The following DNAAF9 variants were observed in gnomAD, a reference collection of about 807,000 sequenced individuals.
The protein encoded by DNAAF9 is shulin.
DNAAF9 carries 90 observed loss-of-function variants against 167.0 expected under a neutral mutation model. The observed-to-expected ratio is 0.54, with a 90% CI of 0.45 to 0.64. The LOEUF is 0.64. Ranked by LOEUF, DNAAF9 falls within the 30% of genes least tolerant of loss-of-function variation. The pLI is 0.00. For missense variants in DNAAF9, 1,315 were observed against 1,442.2 expected, an observed-to-expected ratio of 0.91 and a Z score of 1.43; for synonymous variants, 491 against 508.8, an observed-to-expected ratio of 0.96 and a Z score of 0.47.
chr20:3,301,649 T>C (rs935631818), intron 21 of DNAAF9, among the ~76,000 whole-genome samples: 2 of 152,220 alleles, frequency 1.3e-5, no homozygotes, highest in African/African-American at 4.8e-5. Context: ...TTCCTCAGGA[T>C]TTATTCCTTA....
chr20:3,285,205 G>T (rs1486338335), intron 27 of DNAAF9, among the ~76,000 whole-genome samples: 1 of 152,210 alleles, frequency 6.6e-6, no homozygotes, highest in Admixed American at 6.5e-5. Flanking sequence ...AGGGGCTAAA[G>T]AAATCTCTGT....
intron 3 of DNAAF9, among the ~76,000 whole-genome samples, chr20:3,379,372 G>A (rs1241044404): frequency 2.0e-5 from 3 of 148,218 alleles, no homozygotes; most frequent in Non-Finnish European, 4.6e-5. Flanking sequence ...AACACTGTGA[G>A]GCCAAGGCAA....
chr20:3,308,259 A>G (rs888188484), intron 20 of DNAAF9, among the ~76,000 whole-genome samples: 2 of 151,388 alleles, frequency 1.3e-5, no homozygotes, highest in Non-Finnish European at 2.9e-5. Flanking sequence ...TTCTCCTGAC[A>G]TTCTGTTCCT....
chr20:3,406,362 A>G (rs1024499632), intron 1 of DNAAF9, among the ~76,000 whole-genome samples: 2 of 152,204 alleles, frequency 1.3e-5, no homozygotes, highest in African/African-American at 2.4e-5. Flanking sequence ...AGGGAACAAT[A>G]TATTTGCTTT....
chr20:3,338,259 G>A (rs59469935), intron 10 of DNAAF9, among the ~76,000 whole-genome samples: 4,506 of 152,064 alleles, frequency 0.03, 95 homozygotes, highest in African/African-American at 0.055. Flanking sequence ...TTTGGTTGGT[G>A]TGCTTTTTCA....
chr20:3,362,219 C>A, intron 6 of DNAAF9: 2 of 1,431,498 alleles, frequency 1.4e-6, no homozygotes, highest in East Asian at 2.3e-5. Context: ...TCTTCTAGAC[C>A]CCAGCTAACT....
chr20:3,296,040 C>G (rs1167108012), intron 23 of DNAAF9: 20 of 978,772 alleles, frequency 2.0e-5, no homozygotes, highest in Non-Finnish European at 2.8e-5. Flanking sequence ...AATTTTCCAC[C>G]CTGGTAGTAA....
intron 23 of DNAAF9, chr20:3,296,445 A>G (rs1249023148): frequency 3.3e-6 from 1 of 300,028 alleles, no homozygotes; most frequent in East Asian, 8.2e-5. Flanking sequence ...TGGCATGGTC[A>G]CGGCTCACTG....
chr20:3,375,106 T>G lies in DNAAF9; in HGVS notation c.429A>C (p.Ala143=). 1 of 1,608,754 alleles carries G rather than the reference T, an allele frequency of 6.2e-7. No homozygotes were observed. The highest frequency in any genetic ancestry group is 8.5e-7 in the Non-Finnish European group (1 of 1,175,158). ...TENEYEDEEA[A]EEFKITSFVD... ...CAAAGCTGGTAATTTTAAATTCTTC[T>G]GCGGCTTCTTCATCTTCATACTGAA... The change falls in exon 5 of 37, where the codon GCA becomes GCC. Residue 143 remains alanine (A), a synonymous_variant. Transcript: ENST00000252032.
Position 3,286,140 on chromosome 20 carries a change from C to CA in DNAAF9, c.2486+1491dup, listed in dbSNP as rs1346650475. ...GGACATGCTATAAAGGAGGGTGCTA[C>CA]ATGGGCCCAGCTGGTAAGAACAGCG... On this transcript the variant is annotated intron_variant, in intron 27 of 36. Transcript: ENST00000252032. Among the ~76,000 whole-genome samples the CA allele has an allele frequency of 2.6e-5, 4 of 152,158 alleles. No homozygotes were observed. In the East Asian group the frequency reaches 7.7e-4, roughly 29 times the overall value.
chr20:3,403,264 A>G (rs1480519549), intron 1 of DNAAF9, among the ~76,000 whole-genome samples: 1 of 152,120 alleles, frequency 6.6e-6, no homozygotes. Flanking sequence ...TTACAACTAC[A>G]AACATCAAAT....
At chr20:3,347,319 G>A (rs77940402) in intron 8 of DNAAF9, among the ~76,000 whole-genome samples, 6,857 of 151,982 alleles carry the variant, frequency 0.045, 233 homozygotes, top group African/African-American at 0.095. Context: ...AAATGAAGGC[G>A]AAATAAAGAT....
chr20:3,285,205 G>A (rs1486338335), intron 27 of DNAAF9, among the ~76,000 whole-genome samples: 1 of 152,210 alleles, frequency 6.6e-6, no homozygotes, highest in African/African-American at 2.4e-5. Flanking sequence ...AGGGGCTAAA[G>A]AAATCTCTGT....
At chr20:3,307,171 C>T (rs143042232) in intron 20 of DNAAF9, 11,447 of 983,792 alleles carry the variant, frequency 0.012, 76 homozygotes, top group Middle Eastern at 0.018. Context: ...CATTTCCTCT[C>T]CCACTAGACT....
At position 3,249,880 on chromosome 20, in the gene DNAAF9, C is replaced by A. The variant is rs1456401632; in HGVS notation, c.*2692G>T. The A allele has an allele frequency of 2.0e-5, 3 of 152,058 alleles. No homozygotes were observed. Among genetic ancestry groups the A allele is most frequent in the Non-Finnish European group, 4.4e-5 (3 of 68,030 alleles). The allele number at this position is 152,058 out of a possible 1,614,324, so 9.4% of individuals were successfully genotyped here. A position where few individuals can be genotyped will look rare whatever the true frequency, so the allele number is the denominator to read the frequency against. On this transcript the variant is annotated 3_prime_UTR_variant, in exon 37 of 37. Coordinates refer to ENST00000252032, the MANE Select transcript of DNAAF9 (RefSeq NM_001009984.3). ...TCCAGGCTTCAGGTCAGATAGCCCC[C>A]AGGGCTCAGAGGGGCCGGCTCAACT...
intron 26 of DNAAF9, among the ~76,000 whole-genome samples, chr20:3,288,319 G>A (rs2068887578): frequency 6.6e-6 from 1 of 152,154 alleles, no homozygotes; most frequent in South Asian, 2.1e-4. Flanking sequence ...GCTTGGTGGC[G>A]CATGCCTGTA....
intron 20 of DNAAF9, among the ~76,000 whole-genome samples, chr20:3,306,086 C>T (rs550143412): frequency 2.6e-5 from 4 of 152,292 alleles, no homozygotes; most frequent in African/African-American, 9.6e-5. Context: ...GCCCTCCTGA[C>T]CATGCCATAT....
chr20:3,268,694 T>C (rs1269155383), intron 30 of DNAAF9, among the ~76,000 whole-genome samples: 1 of 152,126 alleles, frequency 6.6e-6, no homozygotes, highest in Non-Finnish European at 1.5e-5. Context: ...TTTGAATACA[T>C]AAAATATCTA....
At position 3,304,493 on chromosome 20, in the gene DNAAF9, T is replaced by C. The variant is rs2422864; in HGVS notation, c.1729A>G (p.Arg577Gly). ...TGATCCTTGGAAATGATGATACTTCTATGACGACAGTGAGAAAACAGAAGG... is the reference window on the plus strand; with the variant it reads ...TGATCCTTGGAAATGATGATACTTCCATGACGACAGTGAGAAAACAGAAGG... ...SGLLFSHCRHRSIIISKDHMN... is the reference protein window; with the variant it reads ...SGLLFSHCRHGSIIISKDHMN... Residue 577 changes from arginine (R) to glycine (G), a missense_variant, in exon 21 of 37, where the codon AGA (arginine) becomes GGA (glycine). By Grantham distance (125) the Arg-to-Gly change is moderately radical (BLOSUM62 -2). Coordinates refer to ENST00000252032, the MANE Select transcript of DNAAF9 (RefSeq NM_001009984.3). 0.87 allele frequency: 1,314,855 copies of C among 1,518,006 alleles called. 571,243 individuals are homozygous for C. The highest frequency in any genetic ancestry group is 1 in the East Asian group (44,339 of 44,354). 94.0% of individuals were successfully genotyped at this position (1,518,006 alleles called of 1,614,324 possible).
Sources: allele counts gnomAD v4.1 joint callset (sites outside exome capture counted in the v4.1 genomes callset), GRCh38; gene constraint gnomAD v4.1.1; transcripts MANE v1.5; gene names NCBI Gene and HGNC (gene_info 2026-07-23, HGNC 2026-07-21).